Variants in ANO10 observed in about 807,000 individuals in gnomAD.
ANO10 encodes anoctamin 10.
Under a neutral mutation model 74.7 loss-of-function variants are expected in ANO10, and 77 were observed. The ratio of observed to expected loss-of-function variants is 1.03; its 90% confidence interval spans 0.86 to 1.25. The LOEUF (loss-of-function observed/expected upper bound fraction) is 1.25, where lower values mean the gene tolerates loss of function less well. ANO10 is among the 50% of genes most tolerant of loss of function. The pLI, the probability that ANO10 is intolerant of heterozygous loss-of-function variation, is 0.00. For missense variants in ANO10, 721 were observed against 778.1 expected, an observed-to-expected ratio of 0.93 and a Z score of 0.87; for synonymous variants, 279 against 284.9, an observed-to-expected ratio of 0.98 and a Z score of 0.21.
At chr3:43,463,527 G>A (rs2075479553) in intron 11 of ANO10, among the ~76,000 whole-genome samples, 1 of 152,194 alleles carries the variant, frequency 6.6e-6, no homozygotes, top group South Asian at 2.1e-4. Context: ...GATCATTTTG[G>A]AGCTTTAAGA....
At chr3:43,545,964 C>A (rs1214195895) in intron 11 of ANO10, among the ~76,000 whole-genome samples, 6 of 152,120 alleles carry the variant, frequency 3.9e-5, no homozygotes, top group Non-Finnish European at 8.8e-5. Flanking sequence ...CATTACAAGA[C>A]CAGATGGCAT....
chr3:43,586,256 A>C (rs372742626), intron 4 of ANO10, among the ~76,000 whole-genome samples: 1 of 152,014 alleles, frequency 6.6e-6, no homozygotes, highest in African/African-American at 2.4e-5. Flanking sequence ...TGGAAGAGTG[A>C]CCTGCTGGGA....
At chr3:43,414,532 T>A (rs2092709166) in intron 12 of ANO10, among the ~76,000 whole-genome samples, 1 of 152,188 alleles carries the variant, frequency 6.6e-6, no homozygotes, top group African/African-American at 2.4e-5. Context: ...GGTGACCTGA[T>A]ACCACTCTTC....
intron 11 of ANO10, among the ~76,000 whole-genome samples, chr3:43,508,403 A>G (rs916947223): frequency 6.6e-6 from 1 of 152,232 alleles, no homozygotes; most frequent in Non-Finnish European, 1.5e-5. Flanking sequence ...TCAAGGATCT[A>G]GAACCAGAAA....
Position 43,414,790 on chromosome 3 carries a change from T to A in ANO10, c.1914+17821A>T, listed in dbSNP as rs969248627. Among the ~76,000 whole-genome samples, 7 of 152,222 alleles carry A rather than the reference T, an allele frequency of 4.6e-5. No individual in the cohort carries two copies. In the East Asian group the frequency reaches 1.2e-3, roughly 25 times the overall value. ...TCTCTAAGCATGGAAATATTTTATA[T>A]CCTGATGGTCCACAATTTCTTTGTT... On this transcript the variant is annotated intron_variant, in intron 12 of 12. Transcript: ENST00000292246.
intron 11 of ANO10, among the ~76,000 whole-genome samples, chr3:43,523,434 C>T (rs374470475): frequency 6.6e-6 from 1 of 152,134 alleles, no homozygotes; most frequent in African/African-American, 2.4e-5. Flanking sequence ...ATCATTTTAG[C>T]AGCAGAATGG....
chr3:43,390,334 G>A (rs959622983), intron 12 of ANO10, among the ~76,000 whole-genome samples: 2 of 152,244 alleles, frequency 1.3e-5, no homozygotes, highest in African/African-American at 4.8e-5. Context: ...CCACTGCACA[G>A]GCTGTGCAGG....
chr3:43,548,567 A>ATATT (rs1224587129), intron 11 of ANO10, among the ~76,000 whole-genome samples: 13 of 152,190 alleles, frequency 8.5e-5, no homozygotes, highest in Non-Finnish European at 1.6e-4. Context: ...AAAGCAGAAT[A>ATATT]TATTTCTTTA....
intron 11 of ANO10, among the ~76,000 whole-genome samples, chr3:43,471,473 C>G (rs992836147): frequency 6.6e-6 from 1 of 152,090 alleles, no homozygotes; most frequent in South Asian, 2.1e-4. Context: ...GGGTGAACAT[C>G]AAGGGTGTTA....
chr3:43,597,957 C>T (rs1002107055), intron 4 of ANO10, among the ~76,000 whole-genome samples: 1 of 151,872 alleles, frequency 6.6e-6, no homozygotes, highest in African/African-American at 2.4e-5. Flanking sequence ...AAAAAACAGA[C>T]TAGGGGACAC....
At chr3:43,432,941 A>ATCCTTT (rs2093007560) in intron 11 of ANO10, among the ~76,000 whole-genome samples, 1 of 46,544 alleles carries the variant, frequency 2.1e-5, no homozygotes, top group Non-Finnish European at 4.9e-5. Flanking sequence ...ACTTTGCTTA[A>ATCCTTT]TTCTTTTTTT....
rs540742946 is a variant in ANO10 at position 43,683,347 on chromosome 3, T to C, written c.-12+8170A>G. Among the ~76,000 whole-genome samples, 154 of 152,138 alleles carry C rather than the reference T, an allele frequency of 1.0e-3. 1 individual carries two copies. Among genetic ancestry groups the C allele is most frequent in the African/African-American group, 3.4e-3 (141 of 41,512 alleles). On this transcript the variant is annotated intron_variant, in intron 1 of 3. Transcript: ENST00000413397. ...CCATTCACAATTGCTTCAAAGAGAA[T>C]AAAATACCTAGGTCCAACTTACAAA...
intron 1 of ANO10, among the ~76,000 whole-genome samples, chr3:43,681,667 A>G (rs2084203059): frequency 6.6e-6 from 1 of 152,220 alleles, no homozygotes; most frequent in Non-Finnish European, 1.5e-5. Context: ...AAAATTGACC[A>G]CATAGTTGGA....
chr3:43,476,048 T>C (rs1054725200), intron 11 of ANO10, among the ~76,000 whole-genome samples: 2 of 152,254 alleles, frequency 1.3e-5, no homozygotes, highest in Admixed American at 1.3e-4. Flanking sequence ...TTATCTCATA[T>C]TTATTCTATG....
chr3:43,421,333 G>A (rs1423983962), intron 12 of ANO10, among the ~76,000 whole-genome samples: 1 of 151,618 alleles, frequency 6.6e-6, no homozygotes, highest in Non-Finnish European at 1.5e-5. Context: ...CCAGCCTGGG[G>A]AACATGGTGA....
intron 11 of ANO10, among the ~76,000 whole-genome samples, chr3:43,460,250 C>A (rs936520944): frequency 1.3e-5 from 2 of 152,170 alleles, no homozygotes; most frequent in African/African-American, 4.8e-5. Flanking sequence ...ACCAGTACAG[C>A]AAAGCCTTGG....
intron 10 of ANO10, among the ~76,000 whole-genome samples, chr3:43,551,252 TA>T (rs2079442778): frequency 6.6e-6 from 1 of 152,202 alleles, no homozygotes. Flanking sequence ...CATGCATTTG[TA>T]ATTTTGATAG....
At chr3:43,551,939 T>C (rs756370108) in intron 10 of ANO10, among the ~76,000 whole-genome samples, 8 of 152,336 alleles carry the variant, frequency 5.3e-5, no homozygotes, top group South Asian at 2.1e-4. Flanking sequence ...GTTATTGATA[T>C]GTTAGGATGT....
At chr3:43,488,015 C>T (rs571578510) in intron 11 of ANO10, among the ~76,000 whole-genome samples, 10 of 152,072 alleles carry the variant, frequency 6.6e-5, no homozygotes, top group South Asian at 2.1e-4. Flanking sequence ...AATAACGCCG[C>T]GTATCTACAA....
Sources: gnomAD v4.1 joint callset for allele counts (sites outside exome capture counted in the v4.1 genomes callset) on GRCh38, gnomAD v4.1.1 for gene constraint, MANE v1.5 for transcripts, NCBI Gene and HGNC (gene_info 2026-07-23, HGNC 2026-07-21) for gene names.